MALRD1: variants seen among roughly 807,000 people sequenced by gnomAD.
MALRD1 encodes MAM and LDL-receptor class A domain-containing protein 1.
In MALRD1, 247 loss-of-function variants were observed where a neutral mutation model predicts 242.1. The observed-to-expected ratio is 1.02, with a 90% CI of 0.92 to 1.13. MALRD1 has a LOEUF of 1.13. Ranked by LOEUF, MALRD1 falls within the 50% of genes most tolerant of loss-of-function variation. The pLI is 0.00. For synonymous variants in MALRD1, 995 were observed against 866.6 expected, an observed-to-expected ratio of 1.15 and a Z score of -2.60; for missense variants, 2,989 against 2,533.1, an observed-to-expected ratio of 1.18 and a Z score of -3.86.
chr10:19,641,480 T>C (rs1489607929), intron 36 of MALRD1, among the ~76,000 whole-genome samples: 1 of 152,160 alleles, frequency 6.6e-6, no homozygotes, highest in Non-Finnish European at 1.5e-5. Flanking sequence ...GAAAGATGTA[T>C]AATTTTGTTT....
intron 7 of MALRD1, among the ~76,000 whole-genome samples, chr10:19,125,318 C>CT (rs1491232526): frequency 2.9e-3 from 230 of 79,924 alleles, no homozygotes; most frequent in African/African-American, 3.8e-3. Context: ...TCCTTCCTTC[C>CT]TTCCTTCTTT....
At chr10:19,315,023 A>AAATATAATTTATATAAATATG (rs1842587610) in intron 21 of MALRD1, among the ~76,000 whole-genome samples, 8 of 137,676 alleles carry the variant, frequency 5.8e-5, no homozygotes, top group South Asian at 2.2e-4. Context: ...ATATAAATAT[A>AAATATAATTTATATAAATATG]TAAATATAAT....
chr10:19,572,497 G>A (rs749878054), intron 33 of MALRD1, among the ~76,000 whole-genome samples: 2 of 152,060 alleles, frequency 1.3e-5, no homozygotes, highest in Non-Finnish European at 2.9e-5. Flanking sequence ...TAATAAGGTG[G>A]CAAATACCAA....
At chr10:19,104,099 G>A in intron 5 of MALRD1, 24 bp downstream of exon 5, 1 of 1,157,590 alleles carries the variant, frequency 8.6e-7, no homozygotes, top group East Asian at 3.2e-5. Flanking sequence ...CTCTCATTTT[G>A]ATCTTTACTG....
At chr10:19,617,971 C>A (rs1589314200) in intron 36 of MALRD1, among the ~76,000 whole-genome samples, 1 of 151,986 alleles carries the variant, frequency 6.6e-6, no homozygotes, top group East Asian at 1.9e-4. Context: ...CTGATCCTCT[C>A]TTTTCTTCCA....
At chr10:19,264,687 T>G (rs952207064) in intron 19 of MALRD1, among the ~76,000 whole-genome samples, 2 of 152,208 alleles carry the variant, frequency 1.3e-5, no homozygotes, top group East Asian at 1.9e-4. Context: ...TCTCCTGGCC[T>G]CGTTATCCGC....
At chr10:19,627,025 AT>A (rs1839683931) in intron 36 of MALRD1, among the ~76,000 whole-genome samples, 1 of 152,150 alleles carries the variant, frequency 6.6e-6, no homozygotes, top group African/African-American at 2.4e-5. Flanking sequence ...TTGGAAAAGA[AT>A]AAAAAGTCTA....
At chr10:19,413,619 A>G (rs575364543) in intron 28 of MALRD1, among the ~76,000 whole-genome samples, 5 of 151,800 alleles carry the variant, frequency 3.3e-5, no homozygotes, top group South Asian at 2.1e-4. Context: ...TTTTCCACCC[A>G]TTTACCAGAT....
At chr10:19,500,025 G>T (rs1837899901) in intron 31 of MALRD1, among the ~76,000 whole-genome samples, 1 of 152,060 alleles carries the variant, frequency 6.6e-6, no homozygotes, top group South Asian at 2.1e-4. Context: ...GTATTTTGTT[G>T]AGGATTTTTG....
chr10:19,660,971 G>T (rs138618132), intron 36 of MALRD1, among the ~76,000 whole-genome samples: 1 of 152,056 alleles, frequency 6.6e-6, no homozygotes, highest in Non-Finnish European at 1.5e-5. Flanking sequence ...AAAAGTGGGC[G>T]AAGGATATGA....
intron 18 of MALRD1, among the ~76,000 whole-genome samples, chr10:19,221,337 C>T (rs959128426): frequency 2.6e-5 from 4 of 152,074 alleles, no homozygotes; most frequent in African/African-American, 9.7e-5. Context: ...TATACAACTT[C>T]ATGGAACATT....
intron 19 of MALRD1, among the ~76,000 whole-genome samples, chr10:19,268,046 A>G (rs1840038475): frequency 6.6e-6 from 1 of 152,140 alleles, no homozygotes; most frequent in African/African-American, 2.4e-5. Flanking sequence ...TTCTCTCTTA[A>G]TTGAGAGAAA....
At chr10:19,587,214 A>G (rs1351322504) in intron 33 of MALRD1, among the ~76,000 whole-genome samples, 1 of 152,184 alleles carries the variant, frequency 6.6e-6, no homozygotes, top group Non-Finnish European at 1.5e-5. Context: ...GGAGCTGTAG[A>G]CCGGAGCTGT....
intron 21 of MALRD1, among the ~76,000 whole-genome samples, chr10:19,295,462 G>GGTGT (rs10685643): frequency 0.58 from 86,869 of 148,948 alleles, 25,251 homozygotes; most frequent in Middle Eastern, 0.61. Flanking sequence ...GTATGTTTTG[G>GGTGT]GTGTGTGTGT....
chr10:19,601,694 T>C (rs891092856), intron 34 of MALRD1, among the ~76,000 whole-genome samples: 3 of 152,056 alleles, frequency 2.0e-5, no homozygotes, highest in South Asian at 2.1e-4. Flanking sequence ...ATAACACTTA[T>C]AAATTAGAGC....
rs202203495 is a variant in MALRD1 at position 19,125,290 on chromosome 10, T to TTTCC, written c.943+652_943+655dup. Among the ~76,000 whole-genome samples the TTTCC allele has an allele frequency of 7.8e-3, 538 of 69,016 alleles. 7 individuals carry two copies. The highest frequency in any genetic ancestry group is 0.022 in the East Asian group (49 of 2,252). The allele number at this position is 69,016 out of a possible 152,430, so 45.3% of individuals were successfully genotyped here. A position where few individuals can be genotyped will look rare whatever the true frequency, so the allele number is the denominator to read the frequency against. On this transcript the variant is annotated intron_variant, in intron 7 of 39. Transcript: ENST00000454679. The stretch of plus-strand genomic sequence containing the variant: ...TTCTCTTTCTTTCTTTCTTTCTTTC[T>TTTCC]TTCCTTCCTTCCTTCCTTCCTTCCT...
At chr10:19,104,532 T>A (rs1473099496) in intron 5 of MALRD1, among the ~76,000 whole-genome samples, 2 of 152,130 alleles carry the variant, frequency 1.3e-5, no homozygotes, top group Admixed American at 1.3e-4. Flanking sequence ...TATAAATTTT[T>A]ATTTATATTG....
At chr10:19,269,923 C>A (rs563975265) in intron 19 of MALRD1, among the ~76,000 whole-genome samples, 1 of 152,322 alleles carries the variant, frequency 6.6e-6, no homozygotes, top group East Asian at 1.9e-4. Flanking sequence ...AGTATGAACT[C>A]ATCGGTCTCT....
chr10:19,048,845 A>G lies in MALRD1; in HGVS notation c.-94A>G, dbSNP rs994725426. 2.6e-5 allele frequency: 26 copies of G among 1,017,464 alleles called. No homozygotes were observed. Among genetic ancestry groups the G allele is most frequent in the Non-Finnish European group, 3.3e-5 (26 of 791,912 alleles). 63.0% of individuals were successfully genotyped at this position (1,017,464 alleles called of 1,614,324 possible). A position where few individuals can be genotyped will look rare whatever the true frequency, so the allele number is the denominator to read the frequency against. On this transcript the variant is annotated 5_prime_UTR_variant, in exon 1 of 40. Transcript: ENST00000454679. ...AATAGTATCCAGTTATAAGAAGCAA[A>G]TCTGGGAAAGGAAGAATAGAGAAAT... is the stretch of plus-strand genomic sequence containing the variant.
Sources: gnomAD v4.1 joint callset for allele counts (sites outside exome capture counted in the v4.1 genomes callset) on GRCh38, gnomAD v4.1.1 for gene constraint, MANE v1.5 for transcripts, NCBI Gene and HGNC (gene_info 2026-07-23, HGNC 2026-07-21) for gene names.